ARL8B: variants seen among roughly 807,000 people sequenced by gnomAD.
ARL8B encodes the protein ARF like GTPase 8B.
ARL8B carries 9 observed loss-of-function variants against 30.6 expected under a neutral mutation model. That is an observed-to-expected ratio of 0.29 (90% CI 0.18 to 0.51). The LOEUF is 0.51. Ranked by LOEUF, ARL8B falls within the 20% of genes least tolerant of loss-of-function variation. The pLI is 0.97. For missense variants in ARL8B, 130 were observed against 227.2 expected, an observed-to-expected ratio of 0.57 and a Z score of 2.75; for synonymous variants, 74 against 76.0, an observed-to-expected ratio of 0.97 and a Z score of 0.14.
chr3:5,141,401 GGTTTCTAAT>G (rs1320861003), intron 1 of ARL8B, among the ~76,000 whole-genome samples: 9 of 152,112 alleles, frequency 5.9e-5, no homozygotes, highest in African/African-American at 2.2e-4. Flanking sequence ...AGTTTATTTT[GGTTTCTAAT>G]AGTAGCAGGT....
chr3:5,170,026 T>C (rs1425249346), intron 1 of ARL8B, among the ~76,000 whole-genome samples: 1 of 152,176 alleles, frequency 6.6e-6, no homozygotes, highest in Non-Finnish European at 1.5e-5. Flanking sequence ...GAGAACAAAA[T>C]TGATTACATA....
chr3:5,155,605 C>G (rs1015226984), intron 1 of ARL8B, among the ~76,000 whole-genome samples: 11 of 151,428 alleles, frequency 7.3e-5, no homozygotes, highest in Admixed American at 5.9e-4. Context: ...TTTTTTCTTT[C>G]TCTGACTCAG....
At chr3:5,160,326 A>G (rs945768566) in intron 1 of ARL8B, among the ~76,000 whole-genome samples, 1 of 152,216 alleles carries the variant, frequency 6.6e-6, no homozygotes, top group Admixed American at 6.5e-5. Flanking sequence ...ATCACAGACA[A>G]GCAAGTTGAA....
intron 1 of ARL8B, 102 bp downstream of exon 1, chr3:5,122,690 T>C: frequency 1.5e-6 from 2 of 1,325,922 alleles, no homozygotes; most frequent in East Asian, 5.0e-5. Flanking sequence ...GCGATGGGAC[T>C]GATGGCGGGG....
chr3:5,154,871 C>T (rs566335425), intron 1 of ARL8B, among the ~76,000 whole-genome samples: 9 of 148,434 alleles, frequency 6.1e-5, no homozygotes, highest in East Asian at 3.9e-4. Flanking sequence ...CCACCATGCC[C>T]GGTGGATTTT....
chr3:5,149,798 AC>A (rs920970134), intron 1 of ARL8B, among the ~76,000 whole-genome samples: 12 of 152,146 alleles, frequency 7.9e-5, no homozygotes, highest in African/African-American at 2.9e-4. Context: ...TTGAAAATGG[AC>A]CATTTAAAAT....
chr3:5,179,226 T>C lies in ARL8B; in HGVS notation c.*513T>C, dbSNP rs2054756554. ...GGGATATATGTAAACATAATGTTTA[T>C]TTTATCTCACAAATGCATGTGAAAT... On this transcript the variant is annotated 3_prime_UTR_variant, in exon 7 of 7. Coordinates refer to ENST00000256496, the MANE Select transcript of ARL8B (RefSeq NM_018184.3). The C allele has an allele frequency of 6.5e-6, 1 of 152,726 alleles. No individual in the cohort carries two copies. The highest frequency in any genetic ancestry group is 2.1e-4 in the South Asian group (1 of 4,830). 9.5% of individuals were successfully genotyped at this position (152,726 alleles called of 1,614,324 possible). A position where few individuals can be genotyped will look rare whatever the true frequency, so the allele number is the denominator to read the frequency against.
chr3:5,155,898 G>GTC (rs2054529167), intron 1 of ARL8B, among the ~76,000 whole-genome samples: 1 of 149,416 alleles, frequency 6.7e-6, no homozygotes, highest in Non-Finnish European at 1.5e-5. Flanking sequence ...TTTTGTGTGT[G>GTC]TGTGTGTGTT....
At chr3:5,122,697 G>C in intron 1 of ARL8B, 109 bp downstream of exon 1, 1 of 1,273,816 alleles carries the variant, frequency 7.9e-7, no homozygotes, top group Non-Finnish European at 1.1e-6. Flanking sequence ...GACTGATGGC[G>C]GGGGGCGTGC....
At chr3:5,125,473 TAAC>T (rs938556885) in intron 1 of ARL8B, among the ~76,000 whole-genome samples, 3 of 151,580 alleles carry the variant, frequency 2.0e-5, no homozygotes, top group Admixed American at 6.6e-5. Flanking sequence ...TTATTATATT[TAAC>T]AACAACAAAA....
rs748657502 is a variant in ARL8B, at chr3:5,127,872, C to CAAAAAAAAA, written c.123+5305_123+5313dup. On this transcript the variant is annotated intron_variant, in intron 1 of 6. Coordinates refer to ENST00000256496, the MANE Select transcript of ARL8B (RefSeq NM_018184.3). ...TGGGCAACAGAGCGAGACTCCGTCTCAAAAAAAAAAAAAAAAAAAAAAAAA... is the reference window on the plus strand; with the variant it reads ...TGGGCAACAGAGCGAGACTCCGTCTCAAAAAAAAAAAAAAAAAAAAAAAAAAAAAAAAAA... 3.8e-4 allele frequency among the ~76,000 whole-genome samples: 4 copies of CAAAAAAAAA among 10,594 alleles called. 1 individual carries two copies. Among genetic ancestry groups the CAAAAAAAAA allele is most frequent in the Non-Finnish European group, 4.8e-4 (3 of 6,314 alleles). The allele number at this position is 10,594 out of a possible 152,430, so 7.0% of individuals were successfully genotyped here.
intron 1 of ARL8B, among the ~76,000 whole-genome samples, chr3:5,151,802 T>A (rs956755149): frequency 3.1e-5 from 4 of 127,676 alleles, no homozygotes; most frequent in Admixed American, 1.0e-4. Flanking sequence ...GGCTGCACCC[T>A]CAACCTCCCA....
intron 1 of ARL8B, among the ~76,000 whole-genome samples, chr3:5,147,117 C>T (rs2054426190): frequency 1.3e-5 from 2 of 151,866 alleles, no homozygotes. Flanking sequence ...TGGTGTGCTG[C>T]ACCCACTAAC....
chr3:5,155,979 G>A (rs1485490489), intron 1 of ARL8B, among the ~76,000 whole-genome samples: 3 of 150,164 alleles, frequency 2.0e-5, no homozygotes, highest in South Asian at 4.3e-4. Context: ...CTCAGCTCAC[G>A]GCAACCTCCG....
intron 1 of ARL8B, among the ~76,000 whole-genome samples, chr3:5,132,353 C>G (rs748078857): frequency 2.0e-5 from 3 of 152,054 alleles, no homozygotes; most frequent in African/African-American, 4.8e-5. Flanking sequence ...CTCCCTGGTT[C>G]AAGTGATTCT....
At chr3:5,153,059 G>A (rs2054498124) in intron 1 of ARL8B, among the ~76,000 whole-genome samples, 1 of 152,138 alleles carries the variant, frequency 6.6e-6, no homozygotes, top group African/African-American at 2.4e-5. Context: ...GGTTTTGACT[G>A]TTCCTTGCAG....
chr3:5,166,229 G>A (rs533778716), intron 1 of ARL8B, among the ~76,000 whole-genome samples: 4 of 151,902 alleles, frequency 2.6e-5, no homozygotes, highest in African/African-American at 4.8e-5. Flanking sequence ...TAGTACAGAC[G>A]GGGTTTCACT....
chr3:5,124,646 ATTTTTAT>A (rs2054214297), intron 1 of ARL8B, among the ~76,000 whole-genome samples: 1 of 151,316 alleles, frequency 6.6e-6, no homozygotes. Flanking sequence ...TTTATTTTTA[ATTTTTAT>A]TTTTTATAAA....
rs1017624630 is a variant in ARL8B at position 5,180,799 on chromosome 3, T to C, written c.*2086T>C. On this transcript the variant is annotated 3_prime_UTR_variant, in exon 7 of 7. Coordinates refer to ENST00000256496, the MANE Select transcript of ARL8B (RefSeq NM_018184.3). ...CATCATGATGGAAGGTGCAGACTTT[T>C]TTGGAAGTTTCCGAGAGGAGGGTCT... 9.4e-6 allele frequency: 1 copy of C among 105,922 alleles called. No homozygotes were observed. The highest frequency in any genetic ancestry group is 5.3e-5 in the African/African-American group (1 of 18,760). 6.6% of individuals were successfully genotyped at this position (105,922 alleles called of 1,614,324 possible).
Sources: gnomAD v4.1 joint callset for allele counts (sites outside exome capture counted in the v4.1 genomes callset) on GRCh38, gnomAD v4.1.1 for gene constraint, MANE v1.5 for transcripts, NCBI Gene and HGNC (gene_info 2026-07-23, HGNC 2026-07-21) for gene names.